The following NPHP1 variants were observed in gnomAD, a reference collection of about 807,000 sequenced individuals.
The protein encoded by NPHP1 is nephrocystin 1.
NPHP1 carries 70 observed loss-of-function variants against 90.4 expected under a neutral mutation model. The observed-to-expected ratio is 0.77, with a 90% confidence interval of 0.64 to 0.95. The LOEUF (loss-of-function observed/expected upper bound fraction) is 0.95, where lower values mean the gene tolerates loss of function less well. NPHP1 is among the 40% of genes least tolerant of loss of function. The pLI is 0.00. For missense variants in NPHP1, 764 were observed against 795.9 expected (o/e 0.96, Z 0.48); for synonymous variants, 256 against 271.7 (o/e 0.94, Z 0.57).
At chr2:110,186,838 A>AT (rs1425447500) in intron 2 of NPHP1, among the ~76,000 whole-genome samples, 2 of 152,098 alleles carry the variant, frequency 1.3e-5, no homozygotes, top group Non-Finnish European at 2.9e-5. Context: ...TGATAGACAC[A>AT]TTTAAAAAAA....
Position 110,168,432 on chromosome 2 carries a change from A to G in NPHP1, c.624+20T>C. On this transcript the variant is annotated intron_variant, in intron 6 of 19. Transcript: ENST00000445609. ...AAAAAAAAAAAGTCTTAGAAAAGGA[A>G]GGCATAAACCAAGACTAACCTCTAG... The G allele has an allele frequency of 6.8e-7, 1 of 1,471,108 alleles. No individual in the cohort carries two copies. The highest frequency in any genetic ancestry group is 9.5e-7 in the Non-Finnish European group (1 of 1,053,700). The allele number at this position is 1,471,108 out of a possible 1,614,324, so 91.1% of individuals were successfully genotyped here.
chr2:110,204,111 C>G (rs2104725036), intron 1 of NPHP1, among the ~76,000 whole-genome samples: 1 of 152,104 alleles, frequency 6.6e-6, no homozygotes, highest in East Asian at 1.9e-4. Flanking sequence ...CTAATTATTA[C>G]ACATAGCAGA....
intron 17 of NPHP1, 128 bp from the exon 18 acceptor site, chr2:110,129,387 C>T (rs1372579320): frequency 1.3e-6 from 1 of 772,026 alleles, no homozygotes; most frequent in African/African-American, 1.7e-5. Flanking sequence ...ATTCTACACA[C>T]TTTGACTTCT....
chr2:110,177,838 C>A (rs1003902558), intron 4 of NPHP1, among the ~76,000 whole-genome samples: 3 of 151,878 alleles, frequency 2.0e-5, no homozygotes, highest in Non-Finnish European at 4.4e-5. Flanking sequence ...AACTTCTGGG[C>A]TCAAGCAATC....
At chr2:110,157,916 T>C (rs373489331) in intron 11 of NPHP1, among the ~76,000 whole-genome samples, 3 of 152,318 alleles carry the variant, frequency 2.0e-5, no homozygotes, top group South Asian at 2.1e-4. Flanking sequence ...TTGAGAATTC[T>C]TTTCTAACAT....
intron 11 of NPHP1, among the ~76,000 whole-genome samples, chr2:110,151,268 T>C (rs1485048169): frequency 6.6e-6 from 1 of 151,944 alleles, no homozygotes; most frequent in Non-Finnish European, 1.5e-5. Context: ...TCAGATACAG[T>C]TATATTTTTC....
intron 11 of NPHP1, among the ~76,000 whole-genome samples, chr2:110,153,658 C>T (rs1681653777): frequency 6.6e-6 from 1 of 152,092 alleles, no homozygotes; most frequent in African/African-American, 2.4e-5. Context: ...CTCATCAACA[C>T]TACAGATAAC....
At chr2:110,175,299 C>A (rs1264577243) in intron 4 of NPHP1, among the ~76,000 whole-genome samples, 1 of 152,090 alleles carries the variant, frequency 6.6e-6, no homozygotes, top group Non-Finnish European at 1.5e-5. Flanking sequence ...TACCCACGTA[C>A]CCATCTTCTT....
rs774251781 is a variant in NPHP1, at chr2:110,143,636, C to T, written c.1435G>A (p.Gly479Ser). 19 of 1,610,930 alleles carry T rather than the reference C, an allele frequency of 1.2e-5. No individual in the cohort carries two copies. The highest frequency in any genetic ancestry group is 2.2e-5 in the East Asian group (1 of 44,860). The change falls in exon 16 of 20, where the codon GGC becomes AGC. Residue 479 changes from glycine (G) to serine (S), a missense_variant. Gly to Ser is a moderately conservative substitution (Grantham distance 56). Transcript: ENST00000445609. ...GTCATAATCTGGTAGAAAACACTGC[C>T]GTGTGCTTTTAAGAAAAATCAAAAG... ...VDPSISRRAH[G>S]SVFYQIMTMR...
Position 110,150,316 on chromosome 2 carries a change from C to T in NPHP1, c.1084-60G>A, listed in dbSNP as rs528727127. 8.7e-5 allele frequency: 131 copies of T among 1,510,810 alleles called. No homozygotes were observed. The African/African-American group carries it at 1.5e-3, about 17-fold the overall frequency. 93.6% of individuals were successfully genotyped at this position (1,510,810 alleles called of 1,614,324 possible). On this transcript the variant is annotated intron_variant, in intron 11 of 19. Coordinates refer to ENST00000445609, the MANE Select transcript of NPHP1 (RefSeq NM_001128178.3). ...AAAGCTCTTTGAAATGTCACCATTT[C>T]CATGTCCCAAAGAGTTAACAGTGGC...
At chr2:110,146,510 T>C (rs1278927527) in intron 14 of NPHP1, among the ~76,000 whole-genome samples, 2 of 152,124 alleles carry the variant, frequency 1.3e-5, no homozygotes, top group Non-Finnish European at 2.9e-5. Context: ...AAGAATATTC[T>C]CAGCAGATGG....
At chr2:110,169,774 C>T (rs1264650209) in intron 5 of NPHP1, 32 bp downstream of exon 5, 2 of 1,478,212 alleles carry the variant, frequency 1.4e-6, no homozygotes, top group South Asian at 1.1e-5. Flanking sequence ...GACATCGACC[C>T]TTAGGTTAGG....
At chr2:110,184,011 G>C (rs73954632) in intron 2 of NPHP1, 104 of 415,436 alleles carry the variant, frequency 2.5e-4, no homozygotes, top group African/African-American at 2.0e-3. Context: ...GGCACTAGCG[G>C]CAGACCCAAC....
chr2:110,172,547 G>A (rs1218774007), intron 4 of NPHP1, among the ~76,000 whole-genome samples: 1 of 152,062 alleles, frequency 6.6e-6, no homozygotes, highest in East Asian at 1.9e-4. Flanking sequence ...TTGGGAGGCT[G>A]AGGTGGGAGG....
rs140390554 is a variant in NPHP1 at position 110,139,237 on chromosome 2, C to T, written c.1529+4305G>A. Among the ~76,000 whole-genome samples, 27 of 148,518 alleles carry T rather than the reference C, an allele frequency of 1.8e-4. No homozygotes were observed. In the East Asian group the frequency reaches 4.7e-3, roughly 26 times the overall value. Reference sequence around the variant, plus strand: ...CACACACACACACACACACACGCAACCTACTTCTCCAGATCAGGGTTTCTT... The same window carrying T: ...CACACACACACACACACACACGCAATCTACTTCTCCAGATCAGGGTTTCTT... On this transcript the variant is annotated intron_variant, in intron 16 of 19. Transcript: ENST00000445609.
intron 2 of NPHP1, among the ~76,000 whole-genome samples, chr2:110,190,546 T>C (rs982217660): frequency 1.3e-5 from 2 of 152,142 alleles, no homozygotes; most frequent in African/African-American, 4.8e-5. Flanking sequence ...AAGCACCGTG[T>C]GCAGGCCCGG....
In NPHP1 at chr2:110,190,222, C is replaced by T. The variant is rs371892494; in HGVS notation, c.144-10538G>A. 5.1e-4 allele frequency among the ~76,000 whole-genome samples: 77 copies of T among 152,346 alleles called. No homozygotes were observed. The South Asian group carries it at 0.015, about 30-fold the overall frequency. On this transcript the variant is annotated intron_variant, in intron 2 of 19. Transcript: ENST00000445609. ...GGTGGAGCTGCCTGCCAGTCCCACA[C>T]CGTGCGCCCGCACTCCTCAGCCCTT...
chr2:110,179,856 T>C (rs1405692773), intron 2 of NPHP1, among the ~76,000 whole-genome samples, 172 bp from the exon 3 acceptor site: 3 of 152,118 alleles, frequency 2.0e-5, no homozygotes. Context: ...ATGATCCTCA[T>C]AGCCAAGCTG....
chr2:110,132,520 T>A lies in NPHP1; in HGVS notation c.1530-729A>T, dbSNP rs1679866043. On this transcript the variant is annotated intron_variant, in intron 16 of 19. Transcript: ENST00000445609. ...AAATACAAAAATTAGCCAGGTTTGG[T>A]GGCGGGCACCTGTAATCCCAGCTAC... is the stretch of plus-strand genomic sequence containing the variant. Among the ~76,000 whole-genome samples, 3 of 152,186 alleles carry A rather than the reference T, an allele frequency of 2.0e-5. No homozygotes were observed. In the South Asian group the frequency reaches 6.2e-4, roughly 32 times the overall value.
Sources: gnomAD v4.1 joint callset for allele counts (sites outside exome capture counted in the v4.1 genomes callset) on GRCh38, gnomAD v4.1.1 for gene constraint, MANE v1.5 for transcripts, NCBI Gene and HGNC (gene_info 2026-07-23, HGNC 2026-07-21) for gene names.